Variants in WASF1 observed in about 807,000 individuals in gnomAD.
WASF1 encodes the protein actin-binding protein WASF1.
In WASF1, 7 loss-of-function variants were observed where a neutral mutation model predicts 50.5. The observed-to-expected ratio is 0.14, with a 90% CI of 0.08 to 0.26. The LOEUF is 0.26. Ranked by LOEUF, WASF1 falls within the 10% of genes least tolerant of loss-of-function variation. The pLI is 1.00. For missense variants in WASF1, 470 were observed against 694.7 expected (o/e 0.68, Z 3.64); for synonymous variants, 205 against 244.0 (o/e 0.84, Z 1.49).
chr6:110,129,020 C>T (rs1774542276), intron 3 of WASF1, among the ~76,000 whole-genome samples: 1 of 152,006 alleles, frequency 6.6e-6, no homozygotes, highest in South Asian at 2.1e-4. Context: ...GAAAGACTGT[C>T]TTCCACGAAA....
chr6:110,102,061 G>A lies in WASF1; in HGVS notation c.1049C>T (p.Pro350Leu), dbSNP rs1255828907. ...LRASMTSTPP[P>L]PVPPPPPPPA... is the part of the protein sequence containing the mutation. ...AGGTGGAGGTGGGGGAGGTACTGGAGGGGGAGGAGTTGAAGTCATTGAAGC... is the reference window on the plus strand; with the variant it reads ...AGGTGGAGGTGGGGGAGGTACTGGAAGGGGAGGAGTTGAAGTCATTGAAGC... The change falls in exon 10 of 11, where the codon CCT becomes CTT. Residue 350 changes from proline (P) to leucine (L), a missense_variant. Physicochemically the swap from Pro to Leu is moderately conservative, Grantham distance 98 (BLOSUM62 -3). Coordinates refer to ENST00000392589, the MANE Select transcript of WASF1 (RefSeq NM_003931.3). The A allele has an allele frequency of 1.3e-6, 2 of 1,519,242 alleles. No individual in the cohort carries two copies. The highest frequency in any genetic ancestry group is 2.3e-5 in the East Asian group (1 of 43,812). 94.1% of individuals were successfully genotyped at this position (1,519,242 alleles called of 1,614,324 possible). A position where few individuals can be genotyped will look rare whatever the true frequency, so the allele number is the denominator to read the frequency against.
Position 110,113,443 on chromosome 6 carries a change from T to C in WASF1, c.151A>G (p.Ile51Val). The change falls in exon 5 of 11, where the codon ATA becomes GTA. Residue 51 changes from isoleucine to valine, a missense_variant. Physicochemically the swap from Ile to Val is conservative, Grantham distance 29 (BLOSUM62 3). Coordinates refer to ENST00000392589, the MANE Select transcript of WASF1 (RefSeq NM_003931.3). ...GCTTCATTGAATAATTCTCCAAATA[T>C]ATCTTCAGCATATTTACCTAAGCAA... ...LSSLSKYAED[I>V]FGELFNEAHS... is the part of the protein sequence containing the mutation. 2.5e-6 allele frequency: 4 copies of C among 1,598,404 alleles called. No individual in the cohort carries two copies. The highest frequency in any genetic ancestry group is 1.7e-4 in the Middle Eastern group (1 of 5,988).
chr6:110,136,009 G>A (rs1196983502), intron 3 of WASF1, among the ~76,000 whole-genome samples: 11 of 148,894 alleles, frequency 7.4e-5, no homozygotes, highest in Admixed American at 3.4e-4. Flanking sequence ...TCAGCCTCCC[G>A]AGTAGCTGGG....
chr6:110,138,540 C>G (rs1358719548), intron 3 of WASF1, among the ~76,000 whole-genome samples: 2 of 152,238 alleles, frequency 1.3e-5, no homozygotes, highest in East Asian at 3.8e-4. Flanking sequence ...AGCGACAGAA[C>G]AGCTCTCAGG....
intron 2 of WASF1, among the ~76,000 whole-genome samples, chr6:110,170,271 G>A (rs570828440): frequency 4.6e-4 from 70 of 152,210 alleles, no homozygotes; most frequent in Middle Eastern, 3.4e-3. Flanking sequence ...CACTCAGACC[G>A]GAGTATAGTG....
At chr6:110,160,837 TG>T (rs1776233291) in intron 2 of WASF1, 105 bp from the exon 3 acceptor site, 1 of 151,644 alleles carries the variant, frequency 6.6e-6, no homozygotes, top group South Asian at 2.1e-4. Context: ...CAATGAAACA[TG>T]AGGCCTGAGG....
At chr6:110,133,741 A>G (rs1168214364) in intron 3 of WASF1, among the ~76,000 whole-genome samples, 1 of 150,492 alleles carries the variant, frequency 6.6e-6, no homozygotes, top group African/African-American at 2.4e-5. Flanking sequence ...TTTTTTTCTG[A>G]TATTTGAGTT....
At position 110,173,326 on chromosome 6, in the gene WASF1, A is replaced by C. The variant is rs558116147; in HGVS notation, c.-127+5272T>G. Among the ~76,000 whole-genome samples, 12 of 152,272 alleles carry C rather than the reference A, an allele frequency of 7.9e-5. No individual in the cohort carries two copies. In the East Asian group the frequency reaches 1.9e-3, roughly 24 times the overall value. ...CACACCAAATTAAAAAAACAAAAAA[A>C]CAAAAAAACTTTGCTGTCATCATCA... On this transcript the variant is annotated intron_variant, in intron 2 of 10. Transcript: ENST00000392589.
At position 110,179,655 on chromosome 6, in the gene WASF1, A is replaced by T. The variant is rs1777121210; in HGVS notation, c.-488T>A. On this transcript the variant is annotated 5_prime_UTR_variant, in exon 1 of 11. Transcript: ENST00000392589. ...CCACCGTGTGCTCGACGCGCGAGTG[A>T]ACAACACCGCGAGCTGCCGTTCCCC... The T allele has an allele frequency of 6.6e-6, 1 of 152,254 alleles. No individual in the cohort carries two copies. Among genetic ancestry groups the T allele is most frequent in the Non-Finnish European group, 1.5e-5 (1 of 68,044 alleles). The allele number at this position is 152,254 out of a possible 1,614,324, so 9.4% of individuals were successfully genotyped here.
intron 2 of WASF1, among the ~76,000 whole-genome samples, chr6:110,177,451 T>G (rs772007128): frequency 1.3e-5 from 2 of 152,128 alleles, no homozygotes; most frequent in Non-Finnish European, 2.9e-5. Flanking sequence ...CATTCTAATA[T>G]GCCATGGAAA....
intron 3 of WASF1, among the ~76,000 whole-genome samples, chr6:110,154,031 T>C (rs750659050): frequency 8.5e-5 from 13 of 152,106 alleles, no homozygotes; most frequent in Non-Finnish European, 1.8e-4. Flanking sequence ...GGGATTTCTT[T>C]GAGTTCCAAA....
chr6:110,117,481 CAA>C (rs1226405085), intron 4 of WASF1, among the ~76,000 whole-genome samples: 1 of 151,914 alleles, frequency 6.6e-6, no homozygotes, highest in African/African-American at 2.4e-5. Flanking sequence ...TGAAAAGAAA[CAA>C]ACAAAGCCTC....
intron 2 of WASF1, among the ~76,000 whole-genome samples, chr6:110,164,820 A>C (rs1432203597): frequency 6.6e-6 from 1 of 151,642 alleles, no homozygotes; most frequent in East Asian, 1.9e-4. Flanking sequence ...TAGGTAAGTA[A>C]AATAAAGTGT....
chr6:110,122,880 C>G (rs1774202023), intron 4 of WASF1, among the ~76,000 whole-genome samples: 1 of 151,874 alleles, frequency 6.6e-6, no homozygotes, highest in Non-Finnish European at 1.5e-5. Flanking sequence ...TGCCCCTTAC[C>G]CCTACACTGT....
intron 9 of WASF1, among the ~76,000 whole-genome samples, chr6:110,103,053 A>C (rs1773161750): frequency 6.6e-6 from 1 of 152,228 alleles, no homozygotes; most frequent in South Asian, 2.1e-4. Context: ...ACACTATAAT[A>C]AAATGAAACA....
intron 3 of WASF1, among the ~76,000 whole-genome samples, chr6:110,138,206 C>T (rs1049813828): frequency 1.3e-5 from 2 of 152,212 alleles, no homozygotes; most frequent in Non-Finnish European, 2.9e-5. Flanking sequence ...TGAGAGGCTG[C>T]GGCTGGACTA....
chr6:110,100,345 C>A lies in WASF1; in HGVS notation c.*177G>T. 2 of 614,380 alleles carry A rather than the reference C, an allele frequency of 3.3e-6. No homozygotes were observed. The highest frequency in any genetic ancestry group is 3.2e-5 in the East Asian group (1 of 31,336). 38.1% of individuals were successfully genotyped at this position (614,380 alleles called of 1,614,324 possible). On this transcript the variant is annotated 3_prime_UTR_variant, in exon 11 of 11. Coordinates refer to ENST00000392589, the MANE Select transcript of WASF1 (RefSeq NM_003931.3). Reference sequence around the variant, plus strand: ...AAAAAAAAGATAAGCCACTGTAAAACATTTAGTTTGAAATGTATGCTAATA... The same window carrying A: ...AAAAAAAAGATAAGCCACTGTAAAAAATTTAGTTTGAAATGTATGCTAATA...
chr6:110,119,656 T>C (rs1010306356), intron 4 of WASF1, among the ~76,000 whole-genome samples: 9 of 152,126 alleles, frequency 5.9e-5, no homozygotes, highest in Admixed American at 2.6e-4. Context: ...TTTCAATCAA[T>C]AGAAAAAGAG....
chr6:110,146,103 G>A (rs1425546382), intron 3 of WASF1, among the ~76,000 whole-genome samples: 1 of 152,030 alleles, frequency 6.6e-6, no homozygotes, highest in African/African-American at 2.4e-5. Context: ...TGCACGTTGT[G>A]CACATGTACC....
Sources: gnomAD v4.1 joint callset for allele counts (sites outside exome capture counted in the v4.1 genomes callset) on GRCh38, gnomAD v4.1.1 for gene constraint, MANE v1.5 for transcripts, NCBI Gene and HGNC (gene_info 2026-07-23, HGNC 2026-07-21) for gene names.